Variants in LAMP1 observed in about 807,000 individuals in gnomAD.
LAMP1 encodes lysosome-associated membrane glycoprotein 1.
Under a neutral mutation model 37.5 loss-of-function variants are expected in LAMP1, and 7 were observed. That is an observed-to-expected ratio of 0.19 (90% CI 0.11 to 0.35). LAMP1 has a LOEUF of 0.35. LAMP1 is among the 10% of genes least tolerant of loss of function. The pLI is 1.00. For synonymous variants in LAMP1, 236 were observed against 229.1 expected (o/e 1.03, Z -0.27); for missense variants, 537 against 552.8 (o/e 0.97, Z 0.29).
intron 1 of LAMP1, among the ~76,000 whole-genome samples, chr13:113,299,114 T>G (rs149080878): frequency 0.012 from 1,775 of 152,140 alleles, 36 homozygotes; most frequent in African/African-American, 0.041. Context: ...CACTCCAGCC[T>G]GGGCAACTGA....
chr13:113,300,548 T>G (rs1025710932), intron 1 of LAMP1, among the ~76,000 whole-genome samples: 1 of 151,164 alleles, frequency 6.6e-6, no homozygotes, highest in Non-Finnish European at 1.5e-5. Flanking sequence ...GGCTCATGCC[T>G]GTAATCCCAG....
chr13:113,305,025 T>A (rs988633476), intron 1 of LAMP1: 12 of 152,250 alleles, frequency 7.9e-5, no homozygotes, highest in Non-Finnish European at 1.8e-4. Flanking sequence ...TGGGACTACT[T>A]CTGGTTATAT....
At chr13:113,317,923 C>G (rs1002997177) in intron 4 of LAMP1, among the ~76,000 whole-genome samples, 3 of 152,206 alleles carry the variant, frequency 2.0e-5, no homozygotes, top group Non-Finnish European at 2.9e-5. Flanking sequence ...CTCCTGGGCT[C>G]AAGCAGTCCT....
Position 113,320,364 on chromosome 13 carries a change from A to C in LAMP1, c.770A>C (p.Asn257Thr). The stretch of plus-strand genomic sequence containing the variant: ...ATGCAGACGGTGACAAGGCTTCTCA[A>C]CATCAACCCCAACAAGACCTCGGCC... ...KDNTTVTRLL[N>T]INPNKTSASG... The change falls in exon 6 of 9, where the codon AAC (asparagine) becomes ACC (threonine). Residue 257 changes from asparagine to threonine, a missense_variant. Transcript: ENST00000332556. The surrounding 1 kb of genome is among the most constrained non-coding windows in gnomAD (Gnocchi z 4.4). 2 of 1,614,034 alleles carry C rather than the reference A, an allele frequency of 1.2e-6. No individual in the cohort carries two copies. The highest frequency in any genetic ancestry group is 1.7e-6 in the Non-Finnish European group (2 of 1,180,032).
intron 4 of LAMP1, among the ~76,000 whole-genome samples, chr13:113,318,758 CT>C (rs1476730127): frequency 6.6e-6 from 1 of 152,078 alleles, no homozygotes; most frequent in Non-Finnish European, 1.5e-5. Flanking sequence ...CACTCACTGC[CT>C]TCTCCCTCGT....
At chr13:113,303,930 C>G (rs2042585971) in intron 1 of LAMP1, among the ~76,000 whole-genome samples, 1 of 151,930 alleles carries the variant, frequency 6.6e-6, no homozygotes, top group Non-Finnish European at 1.5e-5. Context: ...ACTAAAAATA[C>G]AAAAAGTAGC....
At chr13:113,307,531 C>T (rs1225394238) in intron 2 of LAMP1, among the ~76,000 whole-genome samples, 1 of 152,130 alleles carries the variant, frequency 6.6e-6, no homozygotes, top group African/African-American at 2.4e-5. Flanking sequence ...TAATTTGTTA[C>T]ACACTCCCCT....
At chr13:113,309,940 A>G in intron 3 of LAMP1, 78 bp downstream of exon 3, 1 of 1,182,512 alleles carries the variant, frequency 8.5e-7, no homozygotes, top group Non-Finnish European at 1.2e-6. Context: ...TTTACCTAAG[A>G]AGTACAGGCT....
chr13:113,302,556 G>A (rs1376991174), intron 1 of LAMP1, among the ~76,000 whole-genome samples: 3 of 152,108 alleles, frequency 2.0e-5, no homozygotes, highest in Admixed American at 6.5e-5. Flanking sequence ...TGTCAAAAGC[G>A]AGTATTTCTT....
rs2042691487 is a variant in LAMP1, at chr13:113,320,385, CG to C, written c.793del (p.Ala265ProfsTer10). The C allele has an allele frequency of 6.2e-7, 1 of 1,613,752 alleles. No homozygotes were observed. The highest frequency in any genetic ancestry group is 8.5e-7 in the Non-Finnish European group (1 of 1,180,018). ...CTCAACATCAACCCCAACAAGACCT[CG>C]GCCAGCGGGAGCTGCGGCGCCCACC... ...RLLNINPNKT[S>X]ASGSCGAHLV... On this transcript the variant is annotated frameshift_variant, in exon 6 of 9. Transcript: ENST00000332556. LOFTEE classifies it high-confidence loss of function. This position sits in a 1 kb window ranked among gnomAD's most constrained non-coding sequence, Gnocchi z 4.4.
At chr13:113,300,885 C>T (rs946069069) in intron 1 of LAMP1, among the ~76,000 whole-genome samples, 2 of 152,230 alleles carry the variant, frequency 1.3e-5, no homozygotes, top group Middle Eastern at 3.4e-3. Flanking sequence ...GTCAGTTATG[C>T]GGTGGAAAGA....
In LAMP1 at chr13:113,323,189, A is replaced by T. The variant is rs956299072; in HGVS notation, c.*768A>T. On this transcript the variant is annotated 3_prime_UTR_variant, in exon 9 of 9. Transcript: ENST00000332556. ...GGCGGCACGTCCTTGGGCGTCTCTA[A>T]TGTCTGCAGCTCAAGGGCTGGCACT... 1 of 152,012 alleles carries T rather than the reference A, an allele frequency of 6.6e-6. No individual in the cohort carries two copies. Among genetic ancestry groups the T allele is most frequent in the African/African-American group, 2.4e-5 (1 of 41,354 alleles). The allele number at this position is 152,012 out of a possible 1,614,324, so 9.4% of individuals were successfully genotyped here.
At chr13:113,302,148 C>T (rs550079374) in intron 1 of LAMP1, among the ~76,000 whole-genome samples, 1 of 149,330 alleles carries the variant, frequency 6.7e-6, no homozygotes, top group Non-Finnish European at 1.5e-5. Context: ...CAGGCGGTAG[C>T]CACCACACCC....
At chr13:113,301,635 AAAAAAAAAAATATATATAT>A (rs2042572080) in intron 1 of LAMP1, among the ~76,000 whole-genome samples, 1 of 22,310 alleles carries the variant, frequency 4.5e-5, no homozygotes, top group Non-Finnish European at 9.6e-5. Flanking sequence ...TTTAAAAAAA[AAAAAAAAAAATATATATAT>A]ATATATATAT....
chr13:113,320,788 G>T lies in LAMP1; in HGVS notation c.876+318G>T. The T allele has an allele frequency of 2.6e-6, 1 of 383,260 alleles. No homozygotes were observed. Among genetic ancestry groups the T allele is most frequent in the Non-Finnish European group, 4.8e-6 (1 of 209,534 alleles). The allele number at this position is 383,260 out of a possible 1,614,324, so 23.7% of individuals were successfully genotyped here. A position where few individuals can be genotyped will look rare whatever the true frequency, so the allele number is the denominator to read the frequency against. On this transcript the variant is annotated intron_variant, in intron 6 of 8. Coordinates refer to ENST00000332556, the MANE Select transcript of LAMP1 (RefSeq NM_005561.4). The surrounding 1 kb of genome is among the most constrained non-coding windows in gnomAD (Gnocchi z 4.4). The stretch of plus-strand genomic sequence containing the variant: ...TCCGTGGTGGCATTTCTGCCTGGGA[G>T]GACTCCTGTGCAGTTAGCAACATAA...
rs535684469 is a variant in LAMP1 at position 113,323,219 on chromosome 13, T to A, written c.*798T>A. ...TGCAGCTCAAGGGCTGGCACTTTTT[T>A]AAATATAAAAATGGGTGTTATTTTT... On this transcript the variant is annotated 3_prime_UTR_variant, in exon 9 of 9. Coordinates refer to ENST00000332556, the MANE Select transcript of LAMP1 (RefSeq NM_005561.4). 3 of 152,218 alleles carry A rather than the reference T, an allele frequency of 2.0e-5. No individual in the cohort carries two copies. Among genetic ancestry groups the A allele is most frequent in the Non-Finnish European group, 4.4e-5 (3 of 68,040 alleles). The allele number at this position is 152,218 out of a possible 1,614,324, so 9.4% of individuals were successfully genotyped here.
chr13:113,322,287 G>C lies in LAMP1; in HGVS notation c.1120G>C (p.Glu374Gln). The change falls in exon 9 of 9, where the codon GAG becomes CAG. Residue 374 changes from glutamate to glutamine, a missense_variant. By Grantham distance (29) the Glu-to-Gln change is conservative. Coordinates refer to ENST00000332556, the MANE Select transcript of LAMP1 (RefSeq NM_005561.4). ...VEGGQFGSVE[E>Q]CLLDENSMLI... Reference sequence around the variant, plus strand: ...CCATCCGTCTGTCTTGGCAGTGGAGGAGTGTCTGCTGGACGAGAACAGCAT... The same window carrying C: ...CCATCCGTCTGTCTTGGCAGTGGAGCAGTGTCTGCTGGACGAGAACAGCAT... 1 of 1,612,080 alleles carries C rather than the reference G, an allele frequency of 6.2e-7. No individual in the cohort carries two copies. The highest frequency in any genetic ancestry group is 8.5e-7 in the Non-Finnish European group (1 of 1,179,240).
rs760712195 is a variant in LAMP1, at chr13:113,319,581, C to T, written c.675C>T (p.Ser225=). The T allele has an allele frequency of 1.2e-5, 19 of 1,613,916 alleles. No individual in the cohort carries two copies. Among genetic ancestry groups the T allele is most frequent in the Non-Finnish European group, 1.5e-5 (18 of 1,180,002 alleles). The change falls in exon 5 of 9, where the codon AGC becomes AGT. Residue 225 remains serine (S), a synonymous_variant. Transcript: ENST00000332556. ...KSPSVDKYNV[S]GTNGTCLLAS... is the part of the protein sequence containing the mutation. ...CCTCTGTGGACAAGTACAACGTGAG[C>T]GGCACCAACGGGACCTGCCTGCTGG...
chr13:113,310,619 C>T, intron 3 of LAMP1, 90 bp from the exon 4 acceptor site: 1 of 1,034,706 alleles, frequency 9.7e-7, no homozygotes, highest in Non-Finnish European at 1.4e-6. Flanking sequence ...AGACTGGAAT[C>T]TATAACTGAC....
Sources: allele counts gnomAD v4.1 joint callset (sites outside exome capture counted in the v4.1 genomes callset), GRCh38; gene constraint gnomAD v4.1.1; non-coding constraint Gnocchi (gnomAD v3.1); transcripts MANE v1.5; gene names NCBI Gene and HGNC (gene_info 2026-07-23, HGNC 2026-07-21).